The following CCNH variants were observed in gnomAD, a reference collection of about 807,000 sequenced individuals.
The protein encoded by CCNH is cyclin H, also known as cyclin-H.
In CCNH, 31 loss-of-function variants were observed where a neutral mutation model predicts 41.9. That is an observed-to-expected ratio of 0.74 (90% CI 0.56 to 1.00). CCNH has a LOEUF of 1.00. CCNH is among the 50% of genes least tolerant of loss of function. The probability of loss-of-function intolerance (pLI) is 0.00; values close to 1 mark genes in which losing one functional copy is unlikely to be tolerated. For synonymous variants in CCNH, 138 were observed against 136.1 expected (o/e 1.01, Z -0.10); for missense variants, 362 against 388.4 (o/e 0.93, Z 0.57).
upstream of CCNH, among the ~76,000 whole-genome samples, chr5:87,379,373 A>G (rs1761547904): frequency 6.6e-6 from 1 of 152,206 alleles, no homozygotes; most frequent in South Asian, 2.1e-4. Context: ...GAAGGGTTAC[A>G]GGAAAAGTTC....
downstream of CCNH, chr5:87,386,957 A>G: frequency 7.0e-7 from 1 of 1,433,014 alleles, no homozygotes; most frequent in Non-Finnish European, 9.8e-7. Flanking sequence ...GATATAGCTG[A>G]GTTAACCCAT....
intron 9 of CCNH, among the ~76,000 whole-genome samples, chr5:87,334,886 T>C (rs943626267): frequency 6.6e-6 from 1 of 152,026 alleles, no homozygotes; most frequent in African/African-American, 2.4e-5. Context: ...AACTAGTTTG[T>C]TCCTTTTTTT....
chr5:87,396,691 T>C (rs989657168), intron 7 of CCNH, among the ~76,000 whole-genome samples: 3 of 152,046 alleles, frequency 2.0e-5, no homozygotes, highest in Admixed American at 2.0e-4. Context: ...AGATGAAATA[T>C]AAGTGACTGT....
At chr5:87,318,789 A>G (rs1422033968) in exon 10 of CCNH, 1 of 152,210 alleles carries the variant, frequency 6.6e-6, no homozygotes, top group East Asian at 1.9e-4. Flanking sequence ...ACATGTCAAG[A>G]CACAATCATG....
At chr5:87,323,750 C>T (rs567790478) in intron 9 of CCNH, among the ~76,000 whole-genome samples, 1 of 151,788 alleles carries the variant, frequency 6.6e-6, no homozygotes, top group South Asian at 2.1e-4. Context: ...TTCCCACTGC[C>T]TGTTATATTT....
At chr5:87,334,834 C>T (rs981487386) in intron 9 of CCNH, among the ~76,000 whole-genome samples, 4 of 151,698 alleles carry the variant, frequency 2.6e-5, no homozygotes, top group African/African-American at 9.7e-5. Flanking sequence ...TGCTGTGTAC[C>T]AGGGATCAGT....
the CCNH span, among the ~76,000 whole-genome samples, chr5:87,312,239 A>G: frequency 2.0e-5 from 3 of 152,214 alleles, no homozygotes; most frequent in East Asian, 1.9e-4. Context: ...AATAGTCTTC[A>G]TATACTATGA....
chr5:87,330,992 T>C, intron 9 of CCNH: 4 of 1,421,846 alleles, frequency 2.8e-6, no homozygotes, highest in Non-Finnish European at 3.7e-6. Flanking sequence ...AGGTAGTAAA[T>C]TAATCATTTC....
At chr5:87,352,872 T>C (rs1436213857) in intron 9 of CCNH, among the ~76,000 whole-genome samples, 2 of 151,980 alleles carry the variant, frequency 1.3e-5, no homozygotes, top group Admixed American at 6.6e-5. Flanking sequence ...TCCTCATTTA[T>C]GGTGACTCTT....
chr5:87,324,672 T>C (rs550252693), intron 9 of CCNH, among the ~76,000 whole-genome samples: 3 of 152,284 alleles, frequency 2.0e-5, no homozygotes, highest in Admixed American at 1.3e-4. Flanking sequence ...CACATACATA[T>C]GCACTCTAGT....
chr5:87,360,576 T>G (rs888328977), intron 9 of CCNH, among the ~76,000 whole-genome samples: 1 of 152,228 alleles, frequency 6.6e-6, no homozygotes, highest in African/African-American at 2.4e-5. Flanking sequence ...TCTATATGTT[T>G]ACTTTCAGTA....
intron 9 of CCNH, among the ~76,000 whole-genome samples, chr5:87,359,346 T>C (rs1759897951): frequency 6.6e-6 from 1 of 152,180 alleles, no homozygotes; most frequent in African/African-American, 2.4e-5. Context: ...GAACTATCTC[T>C]CAGGCTGAGA....
intron 9 of CCNH, chr5:87,366,493 C>T: frequency 4.4e-6 from 1 of 228,000 alleles, no homozygotes; most frequent in Middle Eastern, 4.8e-4. Context: ...GATTCCTATT[C>T]TGGTTAGTAA....
intron 9 of CCNH, among the ~76,000 whole-genome samples, chr5:87,359,925 C>T (rs1480654779): frequency 6.6e-6 from 1 of 152,122 alleles, no homozygotes; most frequent in Non-Finnish European, 1.5e-5. Context: ...CAGTTCTTCA[C>T]CCTTCGTGCA....
chr5:87,388,583 T>C (rs945789836), downstream of CCNH, among the ~76,000 whole-genome samples: 5 of 152,324 alleles, frequency 3.3e-5, no homozygotes, highest in East Asian at 7.7e-4. Context: ...TTGGGTGATA[T>C]TCAACCTATA....
chr5:87,408,560 C>T (rs146892391), intron 3 of CCNH, among the ~76,000 whole-genome samples: 5 of 152,180 alleles, frequency 3.3e-5, no homozygotes, highest in African/African-American at 9.6e-5. Context: ...CACATATGTA[C>T]CATGTAAGTA....
chr5:87,330,974 TA>T, intron 9 of CCNH: 1 of 1,441,978 alleles, frequency 6.9e-7, no homozygotes, highest in South Asian at 1.4e-5. Context: ...TTCCTCAGTA[TA>T]AGATCGAGGT....
downstream of CCNH, among the ~76,000 whole-genome samples, chr5:87,314,214 C>T (rs1433064976): frequency 1.3e-5 from 2 of 152,012 alleles, no homozygotes; most frequent in African/African-American, 4.8e-5. Flanking sequence ...AAAGAAAGTG[C>T]ATGTTTGGTT....
At chr5:87,393,309 A>G (rs1306269050), downstream of CCNH, 1 of 152,154 alleles carries the variant, frequency 6.6e-6, no homozygotes, top group African/African-American at 2.4e-5. Context: ...TTTTCCTGAA[A>G]AAAATCTGGC....
Sources: allele counts gnomAD v4.1 joint callset (sites outside exome capture counted in the v4.1 genomes callset), GRCh38; gene constraint gnomAD v4.1.1; transcripts MANE v1.5; gene names NCBI Gene and HGNC (gene_info 2026-07-23, HGNC 2026-07-21).